Variants in AFG1L observed in about 807,000 individuals in gnomAD.
AFG1L encodes the protein AFG1-like ATPase.
In AFG1L, 53 loss-of-function variants were observed where a neutral mutation model predicts 62.2. That is an observed-to-expected ratio of 0.85 (90% CI 0.68 to 1.07). The LOEUF (loss-of-function observed/expected upper bound fraction) is 1.07, where lower values mean the gene tolerates loss of function less well. AFG1L is among the 50% of genes least tolerant of loss of function. The pLI is 0.00. For synonymous variants in AFG1L, 228 were observed against 210.3 expected, an observed-to-expected ratio of 1.08 and a Z score of -0.73; for missense variants, 555 against 590.5, an observed-to-expected ratio of 0.94 and a Z score of 0.62.
intron 7 of AFG1L, among the ~76,000 whole-genome samples, chr6:108,409,039 G>C (rs12193069): frequency 6.6e-6 from 1 of 151,994 alleles, no homozygotes; most frequent in South Asian, 2.1e-4. Flanking sequence ...AAAAGCTTTC[G>C]ATAATGTAGA....
chr6:108,447,703 G>A (rs1426997259), intron 8 of AFG1L, among the ~76,000 whole-genome samples: 1 of 151,978 alleles, frequency 6.6e-6, no homozygotes, highest in Non-Finnish European at 1.5e-5. Flanking sequence ...TATCATTGTT[G>A]ATTGACTTCC....
chr6:108,357,052 C>T (rs1157098451), intron 5 of AFG1L, among the ~76,000 whole-genome samples: 1 of 151,984 alleles, frequency 6.6e-6, no homozygotes, highest in Non-Finnish European at 1.5e-5. Flanking sequence ...AGAGTGTATA[C>T]ACACATACAC....
At chr6:108,333,321 A>T (rs1312272406) in intron 2 of AFG1L, among the ~76,000 whole-genome samples, 1 of 152,134 alleles carries the variant, frequency 6.6e-6, no homozygotes, top group Non-Finnish European at 1.5e-5. Flanking sequence ...GAGGCATGAG[A>T]ATCGCTTGAA....
chr6:108,514,806 T>C (rs1217998508), intron 11 of AFG1L, among the ~76,000 whole-genome samples: 1 of 152,066 alleles, frequency 6.6e-6, no homozygotes, highest in Non-Finnish European at 1.5e-5. Flanking sequence ...GAGGAAGATC[T>C]ACCAAGCAAA....
chr6:108,506,283 C>T (rs1055106303), intron 10 of AFG1L, among the ~76,000 whole-genome samples: 1 of 152,208 alleles, frequency 6.6e-6, no homozygotes, highest in Non-Finnish European at 1.5e-5. Flanking sequence ...TCTCAGCTCA[C>T]TGCAAACTCA....
intron 10 of AFG1L, among the ~76,000 whole-genome samples, chr6:108,488,476 T>G (rs1773652252): frequency 6.6e-6 from 1 of 152,096 alleles, no homozygotes; most frequent in Admixed American, 6.6e-5. Flanking sequence ...CAGTAGCTGT[T>G]TGGTTTTTCC....
intron 2 of AFG1L, among the ~76,000 whole-genome samples, chr6:108,334,081 C>T (rs531685823): frequency 1.3e-5 from 2 of 152,174 alleles, no homozygotes; most frequent in Admixed American, 6.5e-5. Context: ...GATCTCGGCT[C>T]ACTGTAACCT....
chr6:108,494,466 C>T (rs941219997), intron 10 of AFG1L, among the ~76,000 whole-genome samples: 2 of 151,564 alleles, frequency 1.3e-5, no homozygotes, highest in African/African-American at 2.4e-5. Flanking sequence ...CTGTATTAAC[C>T]ATTAAAAGGG....
intron 8 of AFG1L, among the ~76,000 whole-genome samples, chr6:108,472,384 C>T (rs1016381292): frequency 8.6e-5 from 13 of 152,002 alleles, no homozygotes; most frequent in South Asian, 4.1e-4. Flanking sequence ...GTGCTCTTAC[C>T]GCCCCCAACC....
At chr6:108,439,417 A>G (rs978382956) in intron 7 of AFG1L, among the ~76,000 whole-genome samples, 2 of 152,244 alleles carry the variant, frequency 1.3e-5, no homozygotes, top group Admixed American at 6.5e-5. Flanking sequence ...ACAGTGTGGC[A>G]TATTTTATTA....
At chr6:108,403,100 A>G (rs1218530925) in intron 7 of AFG1L, among the ~76,000 whole-genome samples, 1 of 152,208 alleles carries the variant, frequency 6.6e-6, no homozygotes, top group African/African-American at 2.4e-5. Context: ...ATAATGGATA[A>G]TAGAATTATG....
intron 1 of AFG1L, among the ~76,000 whole-genome samples, chr6:108,317,294 C>T (rs1337853341): frequency 6.6e-6 from 1 of 152,190 alleles, no homozygotes; most frequent in Admixed American, 6.5e-5. Context: ...ATCAGTCTCT[C>T]TGCAGGCTTC....
chr6:108,315,770 G>T (rs1323233193), intron 1 of AFG1L, among the ~76,000 whole-genome samples: 1 of 152,184 alleles, frequency 6.6e-6, no homozygotes, highest in Non-Finnish European at 1.5e-5. Context: ...TTCTTGGGCT[G>T]GATGTGGTAG....
chr6:108,520,532 T>C (rs1160052639), intron 12 of AFG1L: 2 of 151,504 alleles, frequency 1.3e-5, no homozygotes, highest in Admixed American at 1.3e-4. Flanking sequence ...GTCAAAAGTT[T>C]ACAACTATCA....
intron 6 of AFG1L, among the ~76,000 whole-genome samples, chr6:108,383,187 C>T (rs942708147): frequency 2.0e-5 from 3 of 152,132 alleles, no homozygotes; most frequent in Non-Finnish European, 4.4e-5. Flanking sequence ...GAACTGAGAT[C>T]AGGCCACTAC....
chr6:108,429,538 CACAGCCAAACCATAT>C (rs1296205648), intron 7 of AFG1L, among the ~76,000 whole-genome samples: 7 of 152,148 alleles, frequency 4.6e-5, no homozygotes, highest in Admixed American at 1.3e-4. Flanking sequence ...TGGGTGGGGA[CACAGCCAAACCATAT>C]CAGTATACTT....
At chr6:108,390,107 T>A (rs924027494) in intron 6 of AFG1L, among the ~76,000 whole-genome samples, 9 of 152,198 alleles carry the variant, frequency 5.9e-5, no homozygotes, top group South Asian at 2.1e-4. Context: ...AAACTTCTCT[T>A]CTCGCTTCAT....
intron 6 of AFG1L, among the ~76,000 whole-genome samples, chr6:108,377,988 A>G (rs569865106): frequency 1.4e-5 from 2 of 147,678 alleles, no homozygotes; most frequent in South Asian, 4.2e-4. Flanking sequence ...ATAATCCCAC[A>G]TTTCTCAAAT....
chr6:108,441,276 A>G lies in AFG1L; in HGVS notation c.808-5938A>G, dbSNP rs557948633. 3.9e-5 allele frequency among the ~76,000 whole-genome samples: 6 copies of G among 152,300 alleles called. No homozygotes were observed. In the East Asian group the frequency reaches 7.7e-4, roughly 20 times the overall value. The stretch of plus-strand genomic sequence containing the variant: ...ATACACACAATAGATTTTGGGGACA[A>G]TATAAACTGCTTTAATACAGTTCCT... On this transcript the variant is annotated intron_variant, in intron 7 of 12. Coordinates refer to ENST00000368977, the MANE Select transcript of AFG1L (RefSeq NM_145315.5).
Sources: allele counts gnomAD v4.1 joint callset (sites outside exome capture counted in the v4.1 genomes callset), GRCh38; gene constraint gnomAD v4.1.1; transcripts MANE v1.5; gene names NCBI Gene and HGNC (gene_info 2026-07-23, HGNC 2026-07-21).